RBFOX1: variants seen among roughly 807,000 people sequenced by gnomAD.
RBFOX1 encodes RNA binding fox-1 homolog 1.
A neutral mutation model predicts 57.7 loss-of-function variants in RBFOX1; 8 were observed. The ratio of observed to expected loss-of-function variants is 0.14; its 90% CI spans 0.08 to 0.25. The LOEUF is 0.25. RBFOX1 is among the 10% of genes least tolerant of loss of function. The probability of loss-of-function intolerance (pLI) is 1.00; values close to 1 mark genes in which losing one functional copy is unlikely to be tolerated. For synonymous variants in RBFOX1, 326 were observed against 222.4 expected, an observed-to-expected ratio of 1.47 and a Z score of -4.15; for missense variants, 611 against 548.5, an observed-to-expected ratio of 1.11 and a Z score of -1.14.
At chr16:7,374,560 C>T (rs77535419) in intron 4 of RBFOX1, among the ~76,000 whole-genome samples, 2,232 of 152,132 alleles carry the variant, frequency 0.015, 30 homozygotes, top group Non-Finnish European at 0.021. Flanking sequence ...CAATCCTAAC[C>T]CCACCCCCAC....
At chr16:5,349,539 G>A (rs2065216084) in intron 1 of RBFOX1, among the ~76,000 whole-genome samples, 1 of 152,076 alleles carries the variant, frequency 6.6e-6, no homozygotes. Context: ...CGGGCGTGGT[G>A]GCATGCATCT....
Position 5,965,927 on chromosome 16 carries a change from C to G in RBFOX1, c.351+98592C>G, listed in dbSNP as rs1190033619. On this transcript the variant is annotated intron_variant, in intron 4 of 19. Coordinates refer to the RBFOX1 transcript ENST00000641259. ...TCAGCTGATCCCTGAGATACCCTCC[C>G]CAGAAGATCTGGATGTTATCCACCT... Among the ~76,000 whole-genome samples, 4 of 152,228 alleles carry G rather than the reference C, an allele frequency of 2.6e-5. No homozygotes were observed. In the East Asian group the frequency reaches 5.8e-4, roughly 22 times the overall value.
chr16:7,389,242 C>T (rs907630289), intron 4 of RBFOX1, among the ~76,000 whole-genome samples: 1 of 152,138 alleles, frequency 6.6e-6, no homozygotes, highest in Non-Finnish European at 1.5e-5. Flanking sequence ...TCCTGTACCT[C>T]AGCCTCCTGA....
At chr16:6,777,010 C>G (rs1044961117) in intron 3 of RBFOX1, among the ~76,000 whole-genome samples, 1 of 152,158 alleles carries the variant, frequency 6.6e-6, no homozygotes, top group African/African-American at 2.4e-5. Flanking sequence ...AGTGAAGAAA[C>G]TAATAGCCTT....
chr16:5,872,652 C>A (rs1484263109), intron 4 of RBFOX1, among the ~76,000 whole-genome samples: 1 of 151,910 alleles, frequency 6.6e-6, no homozygotes, highest in East Asian at 1.9e-4. Flanking sequence ...GGGAGGGTTG[C>A]TTGAGCCCAG....
intron 2 of RBFOX1, among the ~76,000 whole-genome samples, chr16:5,495,273 T>C (rs778625159): frequency 6.6e-6 from 1 of 152,164 alleles, no homozygotes; most frequent in Admixed American, 6.5e-5. Flanking sequence ...TAGCAAAACT[T>C]TGGATACCAG....
intron 2 of RBFOX1, among the ~76,000 whole-genome samples, chr16:6,585,041 T>C (rs796954867): frequency 6.6e-6 from 1 of 152,154 alleles, no homozygotes; most frequent in Non-Finnish European, 1.5e-5. Flanking sequence ...GTCAAGGCTT[T>C]GTAGGCATCA....
intron 14 of RBFOX1, among the ~76,000 whole-genome samples, chr16:7,697,325 C>T (rs557420103): frequency 1.3e-5 from 2 of 152,132 alleles, no homozygotes; most frequent in East Asian, 3.9e-4. Context: ...TAAATGTCCA[C>T]TCCCCACTCT....
At chr16:5,903,120 G>A (rs6500732) in intron 4 of RBFOX1, among the ~76,000 whole-genome samples, 20,785 of 152,028 alleles carry the variant, frequency 0.14, 1,578 homozygotes, top group South Asian at 0.19. Context: ...GTGGGTGTGG[G>A]TGTGTGTATG....
chr16:6,623,541 T>C (rs1055062861), intron 2 of RBFOX1, among the ~76,000 whole-genome samples: 1 of 151,994 alleles, frequency 6.6e-6, no homozygotes, highest in Non-Finnish European at 1.5e-5. Flanking sequence ...TGTGCTGCAC[T>C]CATTAACTCG....
intron 3 of RBFOX1, among the ~76,000 whole-genome samples, chr16:6,838,773 T>C (rs182761475): frequency 6.6e-6 from 1 of 152,156 alleles, no homozygotes; most frequent in African/African-American, 2.4e-5. Flanking sequence ...ATTAGTGTCA[T>C]ACAAATGTAC....
At chr16:5,781,471 G>A (rs1346186927) in intron 3 of RBFOX1, among the ~76,000 whole-genome samples, 3 of 152,178 alleles carry the variant, frequency 2.0e-5, no homozygotes, top group African/African-American at 7.2e-5. Context: ...CAGTCACTGT[G>A]ACAACCTCAA....
intron 1 of RBFOX1, among the ~76,000 whole-genome samples, chr16:6,058,693 T>A (rs142993001): frequency 7.2e-6 from 1 of 138,710 alleles, no homozygotes; most frequent in Non-Finnish European, 1.5e-5. Context: ...ATCCATTCAC[T>A]CATCCATACA....
chr16:6,373,861 G>T (rs538137392), intron 2 of RBFOX1, among the ~76,000 whole-genome samples: 1 of 152,080 alleles, frequency 6.6e-6, no homozygotes, highest in Non-Finnish European at 1.5e-5. Context: ...TTGCATTCAG[G>T]TGCTGTTTAA....
At chr16:5,254,936 T>C (rs934835289) in intron 1 of RBFOX1, among the ~76,000 whole-genome samples, 2 of 152,192 alleles carry the variant, frequency 1.3e-5, no homozygotes, top group Admixed American at 6.5e-5. Flanking sequence ...GTCCCCACTG[T>C]TGGGGAAGTC....
chr16:7,078,134 T>C (rs1407316482), intron 4 of RBFOX1, among the ~76,000 whole-genome samples: 1 of 152,206 alleles, frequency 6.6e-6, no homozygotes, highest in African/African-American at 2.4e-5. Context: ...CCACTGTTCA[T>C]TCTTTCTCAT....
At chr16:5,926,692 G>T (rs909235078) in intron 4 of RBFOX1, among the ~76,000 whole-genome samples, 1 of 152,176 alleles carries the variant, frequency 6.6e-6, no homozygotes, top group Non-Finnish European at 1.5e-5. Context: ...AAGACTTGGG[G>T]TCTGCAAACA....
chr16:5,863,879 C>CAAGGAGATATTGGTTAA (rs1371530691), intron 3 of RBFOX1, among the ~76,000 whole-genome samples: 1 of 152,164 alleles, frequency 6.6e-6, no homozygotes, highest in Non-Finnish European at 1.5e-5. Context: ...AACATTTCCA[C>CAAGGAGATATTGGTTAA]AAGGTCTCTT....
chr16:5,262,151 A>G (rs1567249607), intron 1 of RBFOX1, among the ~76,000 whole-genome samples: 1 of 152,216 alleles, frequency 6.6e-6, no homozygotes, highest in Non-Finnish European at 1.5e-5. Context: ...AAGAGGTAAC[A>G]TTTGAACTAA....
Sources: gnomAD v4.1 joint callset for allele counts (sites outside exome capture counted in the v4.1 genomes callset) on GRCh38, gnomAD v4.1.1 for gene constraint, MANE v1.5 for transcripts, NCBI Gene and HGNC (gene_info 2026-07-23, HGNC 2026-07-21) for gene names.